ADGRB3: variants seen among roughly 807,000 people sequenced by gnomAD.
ADGRB3 encodes the protein brain-specific angiogenesis inhibitor 3.
A neutral mutation model predicts 193.4 loss-of-function variants in ADGRB3; 37 were observed. That is an observed-to-expected ratio of 0.19 (90% confidence interval 0.15 to 0.25). The LOEUF is 0.25. ADGRB3 is among the 10% of genes least tolerant of loss of function. The pLI is 1.00. For missense variants in ADGRB3, 1,637 were observed against 1,852.9 expected (o/e 0.88, Z 2.14); for synonymous variants, 690 against 644.2 (o/e 1.07, Z -1.08).
chr6:69,033,299 T>C (rs1171443867), intron 13 of ADGRB3, among the ~76,000 whole-genome samples: 1 of 152,198 alleles, frequency 6.6e-6, no homozygotes, highest in East Asian at 1.9e-4. Flanking sequence ...AGTCAGATCC[T>C]AGCTCTCTTG....
intron 15 of ADGRB3, among the ~76,000 whole-genome samples, chr6:69,054,881 C>A (rs919988939): frequency 1.3e-5 from 2 of 151,916 alleles, no homozygotes; most frequent in African/African-American, 4.8e-5. Context: ...GATAAAGTAC[C>A]CAAATTCCCA....
chr6:69,367,912 G>C (rs984810375), intron 29 of ADGRB3, among the ~76,000 whole-genome samples: 2 of 146,502 alleles, frequency 1.4e-5, no homozygotes, highest in African/African-American at 5.0e-5. Context: ...ACCAAACACC[G>C]CATATTCTCA....
rs79675822 is a variant in ADGRB3, at chr6:69,052,263, A to G, written c.2333+2917A>G. On this transcript the variant is annotated intron_variant, in intron 15 of 31. Coordinates refer to ENST00000370598, the MANE Select transcript of ADGRB3 (RefSeq NM_001704.3). ...AGGCACACAGAAGTTTAATGTTTGT[A>G]CTATGAAAATATTTTAGGACCAGAG... is the stretch of plus-strand genomic sequence containing the variant. Among the ~76,000 whole-genome samples, 283 of 152,354 alleles carry G rather than the reference A, an allele frequency of 1.9e-3. 4 individuals are homozygous for G. Among genetic ancestry groups the G allele is most frequent in the Admixed American group, 5.1e-3 (78 of 15,302 alleles).
intron 3 of ADGRB3, among the ~76,000 whole-genome samples, chr6:68,867,640 A>C (rs1354639394): frequency 1.3e-5 from 2 of 152,182 alleles, no homozygotes; most frequent in East Asian, 3.9e-4. Flanking sequence ...ACAGACACTC[A>C]ACACAGCCCA....
At chr6:69,145,701 G>A (rs935929134) in intron 17 of ADGRB3, among the ~76,000 whole-genome samples, 2 of 151,198 alleles carry the variant, frequency 1.3e-5, no homozygotes, top group Admixed American at 6.6e-5. Context: ...ACCTTCAGTG[G>A]GTAGCTCCTC....
chr6:68,677,838 C>T (rs1769136149), intron 3 of ADGRB3, among the ~76,000 whole-genome samples: 2 of 152,060 alleles, frequency 1.3e-5, no homozygotes, highest in South Asian at 2.1e-4. Flanking sequence ...AACTTCTGAC[C>T]TCAAGTGATC....
chr6:69,347,579 C>A (rs957466836), intron 26 of ADGRB3, among the ~76,000 whole-genome samples: 1 of 151,838 alleles, frequency 6.6e-6, no homozygotes, highest in Non-Finnish European at 1.5e-5. Flanking sequence ...GACTTTTAGA[C>A]CAGCCTGGGC....
rs13190994 is a variant in ADGRB3, at chr6:68,911,373, A to T, written c.758-19186A>T. On this transcript the variant is annotated intron_variant, in intron 3 of 31. Coordinates refer to ENST00000370598, the MANE Select transcript of ADGRB3 (RefSeq NM_001704.3). ...CATGGCACATGTATACGTATGTAAC[A>T]AACCTGCACGTTGTGCACATGTACC... Among the ~76,000 whole-genome samples, 349 of 151,664 alleles carry T rather than the reference A, an allele frequency of 2.3e-3. 1 individual carries two copies. Among genetic ancestry groups the T allele is most frequent in the African/African-American group, 8.2e-3 (338 of 41,328 alleles).
At chr6:69,385,962 C>G (rs1199330750) in intron 31 of ADGRB3, among the ~76,000 whole-genome samples, 1 of 152,084 alleles carries the variant, frequency 6.6e-6, no homozygotes, top group African/African-American at 2.4e-5. Context: ...TGTTCCCACT[C>G]TGACTTCTGA....
chr6:69,148,933 G>A (rs1263419198), intron 17 of ADGRB3, among the ~76,000 whole-genome samples: 1 of 152,046 alleles, frequency 6.6e-6, no homozygotes, highest in Admixed American at 6.6e-5. Flanking sequence ...TATTTTATTT[G>A]TTTATTTTCT....
At chr6:68,949,530 C>T (rs1278850214) in intron 6 of ADGRB3, among the ~76,000 whole-genome samples, 1 of 152,254 alleles carries the variant, frequency 6.6e-6, no homozygotes, top group Non-Finnish European at 1.5e-5. Context: ...TGGGAGGATG[C>T]CCTGCCCTCA....
At chr6:69,244,206 C>T (rs1017685700) in intron 20 of ADGRB3, among the ~76,000 whole-genome samples, 5 of 151,892 alleles carry the variant, frequency 3.3e-5, no homozygotes, top group African/African-American at 7.2e-5. Flanking sequence ...TTAAAAGTCC[C>T]GTTCTCTATT....
intron 17 of ADGRB3, chr6:69,232,346 C>A: frequency 7.7e-7 from 1 of 1,299,860 alleles, no homozygotes; most frequent in East Asian, 2.7e-5. Flanking sequence ...ATCCCCCCCA[C>A]CACGAACAAG....
intron 31 of ADGRB3, among the ~76,000 whole-genome samples, chr6:69,387,300 A>T (rs1770094304): frequency 6.6e-6 from 1 of 152,072 alleles, no homozygotes; most frequent in South Asian, 2.1e-4. Flanking sequence ...TATTGATTGA[A>T]GAGAAGCAGA....
chr6:69,382,717 C>T, intron 30 of ADGRB3, 114 bp from the exon 31 acceptor site: 1 of 641,316 alleles, frequency 1.6e-6, no homozygotes, highest in Non-Finnish European at 2.5e-6. Context: ...ATAGGACCTC[C>T]TGGTTCCTGC....
chr6:68,940,761 G>A (rs183407308), intron 5 of ADGRB3, among the ~76,000 whole-genome samples: 320 of 151,836 alleles, frequency 2.1e-3, no homozygotes, highest in Non-Finnish European at 3.1e-3. Context: ...ACGTGGTGCC[G>A]CGCGCCTGTA....
In ADGRB3 at chr6:69,326,657, T is replaced by A. The variant is rs184508743; in HGVS notation, c.2966-1163T>A. Among the ~76,000 whole-genome samples the A allele has an allele frequency of 1.7e-3, 251 of 152,112 alleles. 3 individuals are homozygous for A. The highest frequency in any genetic ancestry group is 3.1e-3 in the Non-Finnish European group (208 of 68,002). Reference sequence around the variant, plus strand: ...TACAATAAAATGAATCTAGAAAAAATTTAATCTAAATTGTATGAAATAAAT... The same window carrying A: ...TACAATAAAATGAATCTAGAAAAAAATTAATCTAAATTGTATGAAATAAAT... On this transcript the variant is annotated intron_variant, in intron 21 of 31. Transcript: ENST00000370598.
At chr6:68,823,484 A>G (rs1266087320) in intron 3 of ADGRB3, among the ~76,000 whole-genome samples, 1 of 152,038 alleles carries the variant, frequency 6.6e-6, no homozygotes, top group Non-Finnish European at 1.5e-5. Context: ...AATGCTTACT[A>G]AGGTAATGCA....
At chr6:69,258,998 C>T (rs902342719) in intron 20 of ADGRB3, among the ~76,000 whole-genome samples, 4 of 152,120 alleles carry the variant, frequency 2.6e-5, no homozygotes, top group Non-Finnish European at 5.9e-5. Context: ...TGGTCTATTC[C>T]ACGTAATCTT....
Sources: gnomAD v4.1 joint callset for allele counts (sites outside exome capture counted in the v4.1 genomes callset) on GRCh38, gnomAD v4.1.1 for gene constraint, MANE v1.5 for transcripts, NCBI Gene and HGNC (gene_info 2026-07-23, HGNC 2026-07-21) for gene names.